The following SH3KBP1 variants were observed in gnomAD, a reference collection of about 807,000 sequenced individuals.
SH3KBP1 encodes SH3 domain-containing kinase-binding protein 1.
Under a neutral mutation model 50.1 loss-of-function variants are expected in SH3KBP1, and 8 were observed. That is an observed-to-expected ratio of 0.16 (90% CI 0.09 to 0.29). SH3KBP1 has a LOEUF of 0.29. Among genes scored for constraint, SH3KBP1 ranks in the 10% least tolerant of loss-of-function variants. The pLI, the probability that SH3KBP1 is intolerant of heterozygous loss-of-function variation, is 1.00. For missense variants in SH3KBP1, 377 were observed against 535.2 expected, an observed-to-expected ratio of 0.70 and a Z score of 2.92; for synonymous variants, 227 against 218.6, an observed-to-expected ratio of 1.04 and a Z score of -0.34.
At chrX:19,695,545 A>T in intron 5 of SH3KBP1, 67 bp downstream of exon 5, 1 of 1,160,485 alleles carries the variant, frequency 8.6e-7, no homozygotes, top group Non-Finnish European at 1.2e-6. Context: ...ACAGAACAGA[A>T]GGGAGGCTGG....
chrX:19,587,852 A>G (rs2066616881), intron 12 of SH3KBP1, among the ~76,000 whole-genome samples: 1 of 112,457 alleles, frequency 8.9e-6, no homozygotes, highest in Admixed American at 9.4e-5. Flanking sequence ...ATGTATACCT[A>G]AAGACCTCTG....
intron 3 of SH3KBP1, among the ~76,000 whole-genome samples, chrX:19,713,092 G>A (rs763360063): frequency 8.2e-5 from 9 of 109,198 alleles, no homozygotes; most frequent in Non-Finnish European, 1.3e-4. Context: ...GCATGGTGGC[G>A]CACTCCTGTA....
At chrX:19,823,349 T>C (rs12850398) in intron 2 of SH3KBP1, among the ~76,000 whole-genome samples, 1 of 112,466 alleles carries the variant, frequency 8.9e-6, no homozygotes, top group African/African-American at 3.2e-5. Flanking sequence ...GCTAGACTTT[T>C]ATCTGGCGGC....
chrX:19,788,583 T>C (rs755430474), intron 2 of SH3KBP1, among the ~76,000 whole-genome samples: 44 of 111,786 alleles, frequency 3.9e-4, no homozygotes, highest in Admixed American at 9.5e-4. Context: ...AGCAAACTAA[T>C]ACAATGGGTG....
chrX:19,736,948 C>G (rs777338356), intron 3 of SH3KBP1, among the ~76,000 whole-genome samples: 12 of 105,497 alleles, frequency 1.1e-4, no homozygotes, highest in African/African-American at 4.2e-4. Context: ...GCTCTGTCAC[C>G]CAGGCTGGAG....
At chrX:19,564,606 G>A (rs1464322590) in intron 13 of SH3KBP1, among the ~76,000 whole-genome samples, 2 of 107,570 alleles carry the variant, frequency 1.9e-5, no homozygotes, top group Non-Finnish European at 3.8e-5. Flanking sequence ...AAAGGTCACA[G>A]TCATGTCCTT....
At chrX:19,593,230 G>A (rs1184580194) in intron 10 of SH3KBP1, among the ~76,000 whole-genome samples, 1 of 111,385 alleles carries the variant, frequency 9.0e-6, no homozygotes, top group Non-Finnish European at 1.9e-5. Flanking sequence ...ACTGGGCTGA[G>A]TTCTTAACAA....
intron 13 of SH3KBP1, among the ~76,000 whole-genome samples, chrX:19,560,283 C>G (rs1236590363): frequency 9.2e-6 from 1 of 108,867 alleles, no homozygotes; most frequent in Non-Finnish European, 1.9e-5. Context: ...ATTAAAAGAA[C>G]TGACAGAACT....
intron 5 of SH3KBP1, among the ~76,000 whole-genome samples, chrX:19,692,689 ATTT>A (rs1186773036): frequency 1.9e-4 from 14 of 75,077 alleles, no homozygotes; most frequent in African/African-American, 5.5e-4. Flanking sequence ...ATATATATAT[ATTT>A]TTTTTTTTTT....
chrX:19,682,103 T>G, intron 6 of SH3KBP1, among the ~76,000 whole-genome samples: 1 of 110,001 alleles, frequency 9.1e-6, no homozygotes, highest in Admixed American at 9.7e-5. Context: ...GGTAGAGCAG[T>G]TGGAGGAGGA....
chrX:19,698,012 A>T (rs1473370910), intron 4 of SH3KBP1, among the ~76,000 whole-genome samples: 1 of 112,224 alleles, frequency 8.9e-6, no homozygotes, highest in African/African-American at 3.2e-5. Flanking sequence ...TTCCACTGAA[A>T]TCATTCCATG....
At chrX:19,676,703 C>T (rs1268320970) in intron 6 of SH3KBP1, among the ~76,000 whole-genome samples, 4 of 111,946 alleles carry the variant, frequency 3.6e-5, no homozygotes, top group East Asian at 2.8e-4. Context: ...TGTAATTTGG[C>T]TAATTAAAAA....
At chrX:19,671,868 G>A in intron 6 of SH3KBP1, among the ~76,000 whole-genome samples, 1 of 112,443 alleles carries the variant, frequency 8.9e-6, no homozygotes, top group Non-Finnish European at 1.9e-5. Context: ...AGGATGCCAA[G>A]TAAACAGTAT....
chrX:19,803,282 G>A (rs901819408), intron 2 of SH3KBP1, among the ~76,000 whole-genome samples: 2 of 111,546 alleles, frequency 1.8e-5, no homozygotes, highest in Non-Finnish European at 1.9e-5. Context: ...TCACTATGTT[G>A]TCCAGGCTGG....
intron 3 of SH3KBP1, among the ~76,000 whole-genome samples, chrX:19,712,376 C>G (rs2063796995): frequency 8.9e-6 from 1 of 111,928 alleles, no homozygotes; most frequent in Admixed American, 9.4e-5. Context: ...ACAATACATT[C>G]ATTAAAAAAT....
At chrX:19,640,754 C>T (rs1275742143) in intron 7 of SH3KBP1, among the ~76,000 whole-genome samples, 1 of 111,548 alleles carries the variant, frequency 9.0e-6, no homozygotes, top group Non-Finnish European at 1.9e-5. Flanking sequence ...TTGCAAATCC[C>T]GCTCCTTTTC....
chrX:19,593,373 A>G (rs2066805172), intron 10 of SH3KBP1, among the ~76,000 whole-genome samples: 1 of 111,720 alleles, frequency 9.0e-6, no homozygotes, highest in African/African-American at 3.3e-5. Flanking sequence ...TTAATGACTC[A>G]CTACAAATTA....
At chrX:19,815,433 CA>C (rs1208864332) in intron 2 of SH3KBP1, among the ~76,000 whole-genome samples, 1 of 111,178 alleles carries the variant, frequency 9.0e-6, no homozygotes, top group Non-Finnish European at 1.9e-5. Context: ...AATATCAAAA[CA>C]AAAAAATTGA....
At chrX:19,818,118 T>G (rs2067417232) in intron 2 of SH3KBP1, among the ~76,000 whole-genome samples, 1 of 112,158 alleles carries the variant, frequency 8.9e-6, no homozygotes, top group Non-Finnish European at 1.9e-5. Context: ...AACAACAAAA[T>G]CACCTTACAA....
Sources: gnomAD v4.1 joint callset for allele counts (sites outside exome capture counted in the v4.1 genomes callset) on GRCh38, gnomAD v4.1.1 for gene constraint, MANE v1.5 for transcripts, NCBI Gene and HGNC (gene_info 2026-07-23, HGNC 2026-07-21) for gene names.